DPYSL2: variants seen among roughly 807,000 people sequenced by gnomAD.
The protein encoded by DPYSL2 is dihydropyrimidinase like 2.
DPYSL2 carries 13 observed loss-of-function variants against 69.9 expected under a neutral mutation model. The observed-to-expected ratio is 0.19, with a 90% CI of 0.12 to 0.30. The LOEUF (loss-of-function observed/expected upper bound fraction) is 0.30, where lower values mean the gene tolerates loss of function less well. DPYSL2 is among the 10% of genes least tolerant of loss of function. The pLI is 1.00. For synonymous variants in DPYSL2, 326 were observed against 359.1 expected (o/e 0.91, Z 1.04); for missense variants, 587 against 918.9 (o/e 0.64, Z 4.67).
chr8:26,646,614 T>G (rs1035968255), intron 10 of DPYSL2, among the ~76,000 whole-genome samples: 4 of 152,062 alleles, frequency 2.6e-5, no homozygotes, highest in African/African-American at 4.8e-5. Context: ...TTAGAGTGGG[T>G]TTGGGAGGGG....
intron 3 of DPYSL2, among the ~76,000 whole-genome samples, chr8:26,602,526 A>G (rs115886194): frequency 6.6e-6 from 1 of 152,272 alleles, no homozygotes; most frequent in African/African-American, 2.4e-5. Context: ...TGTCAAGGAG[A>G]AAGCATGTGG....
chr8:26,546,026 T>C (rs950546659), intron 1 of DPYSL2, among the ~76,000 whole-genome samples: 5 of 152,214 alleles, frequency 3.3e-5, no homozygotes, highest in African/African-American at 1.2e-4. Flanking sequence ...CACAAACAAT[T>C]TGCTGGCATT....
chr8:26,538,793 A>C (rs530406091), intron 1 of DPYSL2, among the ~76,000 whole-genome samples: 97 of 152,260 alleles, frequency 6.4e-4, no homozygotes, highest in African/African-American at 2.2e-3. Flanking sequence ...GAGTGTATTT[A>C]CATGCCAGAC....
Position 26,652,274 on chromosome 8 carries a change from C to T in DPYSL2, c.1614C>T (p.Ile538=). The change falls in exon 12 of 14, where the codon ATC becomes ATT. Residue 538 remains isoleucine (I), a synonymous_variant. Transcript: ENST00000521913. This position sits in a 1 kb window ranked among gnomAD's most constrained non-coding sequence, Gnocchi z 6.3. ...KTHNSSLEYN[I]FEGMECRGSP... ...CTTCTCAGTCTCTCGAGTACAACAT[C>T]TTTGAAGGCATGGAGTGCCGCGGCT... The T allele has an allele frequency of 6.2e-7, 1 of 1,613,816 alleles. No homozygotes were observed.
Position 26,624,393 on chromosome 8 carries a change from C to A in DPYSL2, c.793+86C>A. On this transcript the variant is annotated intron_variant, in intron 4 of 13. Coordinates refer to ENST00000521913, the MANE Select transcript of DPYSL2 (RefSeq NM_001197293.3). The surrounding 1 kb of genome is among the most constrained non-coding windows in gnomAD (Gnocchi z 4.7). Reference sequence around the variant, plus strand: ...CAGCCCTGGGAAGAAAGTGATAATGCTTCCAGATCCCATTTGTGCCTCATG... The same window carrying A: ...CAGCCCTGGGAAGAAAGTGATAATGATTCCAGATCCCATTTGTGCCTCATG... 6.6e-7 allele frequency: 1 copy of A among 1,503,870 alleles called. No individual in the cohort carries two copies. Among genetic ancestry groups the A allele is most frequent in the Non-Finnish European group, 9.1e-7 (1 of 1,104,948 alleles). The allele number at this position is 1,503,870 out of a possible 1,614,324, so 93.2% of individuals were successfully genotyped here. A position where few individuals can be genotyped will look rare whatever the true frequency, so the allele number is the denominator to read the frequency against.
chr8:26,592,826 G>T (rs1801773580), intron 3 of DPYSL2, among the ~76,000 whole-genome samples: 1 of 152,106 alleles, frequency 6.6e-6, no homozygotes, highest in African/African-American at 2.4e-5. Context: ...CAAGGGATTT[G>T]TGTTTTCTGA....
chr8:26,528,230 C>T (rs1266628010), intron 1 of DPYSL2, among the ~76,000 whole-genome samples: 1 of 152,174 alleles, frequency 6.6e-6, no homozygotes, highest in Non-Finnish European at 1.5e-5. Flanking sequence ...CGGTCCCTTT[C>T]CAGGAGTTGT....
At chr8:26,532,850 GT>G (rs1800533921) in intron 1 of DPYSL2, among the ~76,000 whole-genome samples, 1 of 152,136 alleles carries the variant, frequency 6.6e-6, no homozygotes, top group South Asian at 2.1e-4. Context: ...TAGAATCTGT[GT>G]GAACATATGT....
At chr8:26,577,472 A>G (rs1480906070) in intron 1 of DPYSL2, 2 of 148,574 alleles carry the variant, frequency 1.3e-5, no homozygotes, top group African/African-American at 2.4e-5. Flanking sequence ...CAGCGAAGCC[A>G]TTGGCTCGGC....
chr8:26,532,433 T>A (rs1047958783), intron 1 of DPYSL2, among the ~76,000 whole-genome samples: 14 of 152,214 alleles, frequency 9.2e-5, no homozygotes, highest in African/African-American at 3.4e-4. Flanking sequence ...TCAGTGGCTT[T>A]TAGGATATTC....
At chr8:26,577,288 G>C (rs1015643201) in intron 1 of DPYSL2, 7 of 273,078 alleles carry the variant, frequency 2.6e-5, no homozygotes, top group Non-Finnish European at 3.5e-5. Flanking sequence ...CCTCTCCGGG[G>C]CCGGGCGTGG....
In DPYSL2 at chr8:26,547,437, T is replaced by C. The variant is rs192158859; in HGVS notation, c.354+32758T>C. On this transcript the variant is annotated intron_variant, in intron 1 of 13. Coordinates refer to ENST00000521913, the MANE Select transcript of DPYSL2 (RefSeq NM_001197293.3). ...TGCAGATTCCTTTTACTCAGTACAT[T>C]GTATCCACCCTTCAACAAAAAATTA... is the stretch of plus-strand genomic sequence containing the variant. Among the ~76,000 whole-genome samples the C allele has an allele frequency of 2.3e-3, 344 of 152,002 alleles. 1 individual carries two copies. The highest frequency in any genetic ancestry group is 4.0e-3 in the Non-Finnish European group (271 of 68,000).
At position 26,527,195 on chromosome 8, in the gene DPYSL2, C is replaced by T. The variant is rs551466265; in HGVS notation, c.354+12516C>T. Among the ~76,000 whole-genome samples, 673 of 152,288 alleles carry T rather than the reference C, an allele frequency of 4.4e-3. 1 individual carries two copies. Among genetic ancestry groups the T allele is most frequent in the Non-Finnish European group, 7.5e-3 (512 of 68,024 alleles). On this transcript the variant is annotated intron_variant, in intron 1 of 13. Transcript: ENST00000521913. ...TTCTGTTCAACAGGAGAATGCCCAA[C>T]CCTGCTGTGACTGGCAGGTCAGCTC...
At chr8:26,622,448 ATGTGTGTGTG>A (rs10606826) in intron 3 of DPYSL2, among the ~76,000 whole-genome samples, 1 of 142,644 alleles carries the variant, frequency 7.0e-6, no homozygotes, top group Non-Finnish European at 1.5e-5. Context: ...GCCATATTGT[ATGTGTGTGTG>A]TGTGTGTGTG....
intron 1 of DPYSL2, among the ~76,000 whole-genome samples, chr8:26,536,151 G>C (rs960673964): frequency 8.7e-5 from 13 of 150,106 alleles, no homozygotes; most frequent in Admixed American, 8.6e-4. Flanking sequence ...AGTTGCCCAG[G>C]CTAGTCTTGA....
chr8:26,590,071 G>T (rs1164240512), intron 3 of DPYSL2, among the ~76,000 whole-genome samples: 1 of 152,172 alleles, frequency 6.6e-6, no homozygotes, highest in Non-Finnish European at 1.5e-5. Flanking sequence ...GAGTACACAC[G>T]TGTGAACGCA....
At chr8:26,577,219 G>T (rs944147049) in intron 1 of DPYSL2, 2 of 419,442 alleles carry the variant, frequency 4.8e-6, no homozygotes, top group African/African-American at 4.3e-5. Flanking sequence ...CCTCCCCCCG[G>T]CCCGCGCCCA....
rs973507366 is a variant in DPYSL2 at position 26,617,254 on chromosome 8, A to G, written c.629-6889A>G. 2.0e-5 allele frequency among the ~76,000 whole-genome samples: 3 copies of G among 152,200 alleles called. No homozygotes were observed. In the East Asian group the frequency reaches 5.8e-4, roughly 29 times the overall value. On this transcript the variant is annotated intron_variant, in intron 3 of 13. Coordinates refer to ENST00000521913, the MANE Select transcript of DPYSL2 (RefSeq NM_001197293.3). This position sits in a 1 kb window ranked among gnomAD's most constrained non-coding sequence, Gnocchi z 4.7. The stretch of plus-strand genomic sequence containing the variant: ...TCTCTGTGTCATTTCTTAAAACTCC[A>G]TGTGAGTCTATAGTGAGTTTTAAAA...
intron 1 of DPYSL2, among the ~76,000 whole-genome samples, chr8:26,572,560 C>T (rs1801255551): frequency 1.3e-5 from 2 of 152,200 alleles, no homozygotes; most frequent in South Asian, 2.1e-4. Flanking sequence ...AGTGCAGTGA[C>T]GCAATCTCGG....
Sources: gnomAD v4.1 joint callset for allele counts (sites outside exome capture counted in the v4.1 genomes callset) on GRCh38, gnomAD v4.1.1 for gene constraint, Gnocchi (gnomAD v3.1) non-coding constraint, MANE v1.5 for transcripts, NCBI Gene and HGNC (gene_info 2026-07-23, HGNC 2026-07-21) for gene names.